MBOAT2: variants seen among roughly 807,000 people sequenced by gnomAD.
MBOAT2 encodes membrane-bound glycerophospholipid O-acyltransferase 2.
A neutral mutation model predicts 63.4 loss-of-function variants in MBOAT2; 28 were observed. That is an observed-to-expected ratio of 0.44 (90% CI 0.33 to 0.61). The LOEUF (loss-of-function observed/expected upper bound fraction) is 0.61, where lower values mean the gene tolerates loss of function less well. MBOAT2 is among the 20% of genes least tolerant of loss of function. The pLI is 0.03. For missense variants in MBOAT2, 470 were observed against 605.8 expected (o/e 0.78, Z 2.35); for synonymous variants, 211 against 215.6 (o/e 0.98, Z 0.19).
intron 4 of MBOAT2, among the ~76,000 whole-genome samples, chr2:8,899,302 G>T (rs1200758435): frequency 2.0e-5 from 3 of 152,206 alleles, no homozygotes; most frequent in Non-Finnish European, 4.4e-5. Context: ...AACAAGGCAG[G>T]CATGTGAAAA....
At chr2:8,866,576 G>T (rs761015015) in intron 9 of MBOAT2, among the ~76,000 whole-genome samples, 66 of 152,122 alleles carry the variant, frequency 4.3e-4, no homozygotes, top group Non-Finnish European at 8.8e-4. Flanking sequence ...CTTTTTAAAA[G>T]ACCATGATCA....
intron 3 of MBOAT2, among the ~76,000 whole-genome samples, chr2:8,926,292 A>G (rs559727713): frequency 7.2e-5 from 11 of 152,250 alleles, no homozygotes; most frequent in African/African-American, 2.6e-4. Flanking sequence ...CCACACACTG[A>G]CCACTTGAAG....
chr2:8,859,741 T>C (rs567529825), intron 12 of MBOAT2, among the ~76,000 whole-genome samples: 13 of 152,230 alleles, frequency 8.5e-5, no homozygotes, highest in Admixed American at 4.6e-4. Context: ...CCATCTAATA[T>C]GGGGAAGTGG....
chr2:8,971,646 G>A (rs1198727493), intron 1 of MBOAT2, among the ~76,000 whole-genome samples: 1 of 152,168 alleles, frequency 6.6e-6, no homozygotes, highest in Non-Finnish European at 1.5e-5. Flanking sequence ...ATCTCCTTAA[G>A]CTGATAAGCA....
chr2:8,933,906 A>T (rs1370293362), intron 3 of MBOAT2, among the ~76,000 whole-genome samples: 1 of 152,196 alleles, frequency 6.6e-6, no homozygotes, highest in African/African-American at 2.4e-5. Flanking sequence ...CTTGCTCAAG[A>T]ATGACTGAAA....
chr2:8,990,272 G>A (rs1671838208), intron 1 of MBOAT2, among the ~76,000 whole-genome samples: 1 of 152,096 alleles, frequency 6.6e-6, no homozygotes, highest in African/African-American at 2.4e-5. Context: ...TTTCACAAGG[G>A]CTAAACTCCA....
chr2:8,927,081 G>A (rs1666986417), intron 3 of MBOAT2, among the ~76,000 whole-genome samples: 1 of 152,204 alleles, frequency 6.6e-6, no homozygotes, highest in Non-Finnish European at 1.5e-5. Flanking sequence ...GAAAGCATAA[G>A]CAAGGAAGAG....
At chr2:8,901,963 G>A (rs891701495) in intron 4 of MBOAT2, among the ~76,000 whole-genome samples, 2 of 152,238 alleles carry the variant, frequency 1.3e-5, no homozygotes, top group Admixed American at 6.5e-5. Context: ...AGATGGGCGA[G>A]TCTCGCTTGG....
chr2:8,937,702 G>A (rs905654481), intron 3 of MBOAT2, among the ~76,000 whole-genome samples: 4 of 152,174 alleles, frequency 2.6e-5, no homozygotes, highest in Admixed American at 2.6e-4. Context: ...TTTCCAGGAA[G>A]GAAGGAAGCG....
chr2:8,971,313 A>G (rs1338713322), intron 1 of MBOAT2, among the ~76,000 whole-genome samples: 1 of 152,262 alleles, frequency 6.6e-6, no homozygotes, highest in East Asian at 1.9e-4. Context: ...ACAAAATTCA[A>G]CAGCCCTTCG....
At position 8,855,220 on chromosome 2, in the gene MBOAT2, A is replaced by G. The variant is rs1460688092; in HGVS notation, c.*3459T>C. On this transcript the variant is annotated 3_prime_UTR_variant, in exon 13 of 13. Coordinates refer to ENST00000305997, the MANE Select transcript of MBOAT2 (RefSeq NM_138799.4). ...ACTGTGAATGTGCCCAAGTCCTTGA[A>G]TCCTACAGACCTTGCTAATGGCTCC... 2.0e-5 allele frequency: 3 copies of G among 152,218 alleles called. No individual in the cohort carries two copies. Among genetic ancestry groups the G allele is most frequent in the African/African-American group, 7.2e-5 (3 of 41,444 alleles). 9.4% of individuals were successfully genotyped at this position (152,218 alleles called of 1,614,324 possible).
At chr2:8,975,928 G>A (rs1224070087) in intron 1 of MBOAT2, among the ~76,000 whole-genome samples, 1 of 151,532 alleles carries the variant, frequency 6.6e-6, no homozygotes, top group African/African-American at 2.4e-5. Context: ...TGAATTATAT[G>A]GCCACTGCCC....
At chr2:8,919,233 T>A (rs1666401170) in intron 3 of MBOAT2, among the ~76,000 whole-genome samples, 1 of 152,246 alleles carries the variant, frequency 6.6e-6, no homozygotes, top group Admixed American at 6.5e-5. Flanking sequence ...GTTTTCACCC[T>A]GGGTAGAAAC....
At position 8,921,035 on chromosome 2, in the gene MBOAT2, T is replaced by G. The variant is rs959463248; in HGVS notation, c.300-12319A>C. Among the ~76,000 whole-genome samples the G allele has an allele frequency of 1.8e-4, 28 of 152,336 alleles. 1 individual carries two copies. The highest frequency in any genetic ancestry group is 6.7e-4 in the African/African-American group (28 of 41,584). On this transcript the variant is annotated intron_variant, in intron 3 of 12. Coordinates refer to ENST00000305997, the MANE Select transcript of MBOAT2 (RefSeq NM_138799.4). ...GGTAGACAACATATAGTTAGATTTT[T>G]TTTAATCCAGTCTGACAACTTCTGA...
At chr2:8,868,387 T>C in intron 9 of MBOAT2, 59 bp downstream of exon 9, 1 of 1,436,254 alleles carries the variant, frequency 7.0e-7, no homozygotes, top group Non-Finnish European at 9.7e-7. Context: ...CCATAACTTA[T>C]GAAAGCAAAC....
At chr2:8,917,900 C>G (rs528909350) in intron 3 of MBOAT2, among the ~76,000 whole-genome samples, 54 of 152,220 alleles carry the variant, frequency 3.5e-4, no homozygotes, top group Admixed American at 1.8e-3. Context: ...TAAAAAGGAA[C>G]AAACTGTGAA....
chr2:8,963,613 A>C (rs1435994373), intron 1 of MBOAT2, among the ~76,000 whole-genome samples: 1 of 152,230 alleles, frequency 6.6e-6, no homozygotes. Context: ...TGAAACTAAA[A>C]ATTAAAATTA....
At chr2:8,902,597 C>T (rs907347737) in intron 4 of MBOAT2, among the ~76,000 whole-genome samples, 2 of 151,902 alleles carry the variant, frequency 1.3e-5, no homozygotes, top group Non-Finnish European at 2.9e-5. Flanking sequence ...TCATTCCTCC[C>T]GGTGGGTTCG....
intron 12 of MBOAT2, 55 bp downstream of exon 12, chr2:8,860,557 CT>C: frequency 6.4e-7 from 1 of 1,559,030 alleles, no homozygotes; most frequent in South Asian, 1.2e-5. Context: ...TAGCAAGAAA[CT>C]TTCTTTTGAA....
Sources: allele counts gnomAD v4.1 joint callset (sites outside exome capture counted in the v4.1 genomes callset), GRCh38; gene constraint gnomAD v4.1.1; transcripts MANE v1.5; gene names NCBI Gene and HGNC (gene_info 2026-07-23, HGNC 2026-07-21).